SDCBP2: variants seen among roughly 807,000 people sequenced by gnomAD.
SDCBP2 encodes the protein syndecan binding protein 2, also known as syntenin-2.
In SDCBP2, 28 loss-of-function variants were observed where a neutral mutation model predicts 30.7. That is an observed-to-expected ratio of 0.91 (90% CI 0.68 to 1.25). The LOEUF is 1.25. SDCBP2 is among the 50% of genes most tolerant of loss of function. SDCBP2 has a pLI of 0.00. For synonymous variants in SDCBP2, 166 were observed against 157.3 expected (o/e 1.06, Z -0.41); for missense variants, 399 against 379.0 (o/e 1.05, Z -0.44).
At position 1,315,755 on chromosome 20, in the gene SDCBP2, A is replaced by G. The variant is rs1480385976; in HGVS notation, c.226-2257T>C. 2.0e-5 allele frequency among the ~76,000 whole-genome samples: 3 copies of G among 151,766 alleles called. No homozygotes were observed. In the East Asian group the frequency reaches 5.8e-4, roughly 29 times the overall value. ...CTTTACAAAGTATGAGCCACAAAAGAAAAAAAAATCAATAAACTGGACCTC... is the reference window on the plus strand; with the variant it reads ...CTTTACAAAGTATGAGCCACAAAAGGAAAAAAAATCAATAAACTGGACCTC... On this transcript the variant is annotated intron_variant, in intron 4 of 8. Transcript: ENST00000360779.
intron 4 of SDCBP2, among the ~76,000 whole-genome samples, chr20:1,316,249 T>C (rs909806992): frequency 6.6e-6 from 1 of 152,192 alleles, no homozygotes; most frequent in African/African-American, 2.4e-5. Context: ...ATTAAGACCA[T>C]GATGAGCCAT....
Position 1,320,679 on chromosome 20 carries a change from G to A in SDCBP2, c.-19-244C>T, listed in dbSNP as rs1036316064. 1 of 362,252 alleles carries A rather than the reference G, an allele frequency of 2.8e-6. No individual in the cohort carries two copies. The highest frequency in any genetic ancestry group is 5.0e-6 in the Non-Finnish European group (1 of 198,222). The allele number at this position is 362,252 out of a possible 1,614,324, so 22.4% of individuals were successfully genotyped here. On this transcript the variant is annotated intron_variant, in intron 1 of 8. Transcript: ENST00000360779. This position sits in a 1 kb window ranked among gnomAD's most constrained non-coding sequence, Gnocchi z 4.7. ...TCTTGGCCACAATGAAGTAAGACCA[G>A]TAGGAAATTTATAAAGACTCTCACA... is the stretch of plus-strand genomic sequence containing the variant.
At chr20:1,318,080 G>A (rs949499664) in intron 4 of SDCBP2, 23 of 559,658 alleles carry the variant, frequency 4.1e-5, no homozygotes, top group African/African-American at 4.1e-4. Context: ...AGGTCAAAGG[G>A]CAAGCCCTGG....
intron 2 of SDCBP2, 40 bp from the exon 3 acceptor site, chr20:1,319,699 A>T: frequency 6.8e-7 from 1 of 1,467,124 alleles, no homozygotes; most frequent in Non-Finnish European, 9.1e-7. Flanking sequence ...TGTGGCCAGG[A>T]CCCCAGGAAC....
At chr20:1,327,584 C>A (rs571751277) in intron 1 of SDCBP2, among the ~76,000 whole-genome samples, 4 of 152,380 alleles carry the variant, frequency 2.6e-5, no homozygotes, top group Admixed American at 1.3e-4. Flanking sequence ...CAAGCAGACA[C>A]GCCTGAACCC....
At position 1,328,730 on chromosome 20, in the gene SDCBP2, G is replaced by T. The variant is rs1356183961; in HGVS notation, c.-20+355C>A. 2.6e-5 allele frequency among the ~76,000 whole-genome samples: 4 copies of T among 152,320 alleles called. No homozygotes were observed. In the East Asian group the frequency reaches 7.7e-4, roughly 29 times the overall value. On this transcript the variant is annotated intron_variant, in intron 1 of 8. Transcript: ENST00000360779. The stretch of plus-strand genomic sequence containing the variant: ...GGCCTGAGCTGTGGATTCCTTGGGA[G>T]AAATGGGCTTTTTGCCTGCCTGCAG...
At chr20:1,325,459 C>T (rs34019978) in intron 1 of SDCBP2, 21,614 of 152,258 alleles carry the variant, frequency 0.14, 1,732 homozygotes, top group African/African-American at 0.21. Flanking sequence ...CTTGCGTTAC[C>T]AGAGTCCACC....
intron 1 of SDCBP2, among the ~76,000 whole-genome samples, chr20:1,327,076 G>C (rs751498646): frequency 6.6e-5 from 10 of 152,212 alleles, no homozygotes; most frequent in Non-Finnish European, 1.3e-4. Flanking sequence ...GCTCAGTTCT[G>C]TGCTGATGGC....
At position 1,310,374 on chromosome 20, in the gene SDCBP2, G is replaced by A. The variant is rs11449; in HGVS notation, c.*67C>T. On this transcript the variant is annotated 3_prime_UTR_variant, in exon 9 of 9. Coordinates refer to ENST00000360779, the MANE Select transcript of SDCBP2 (RefSeq NM_080489.5). Reference sequence around the variant, plus strand: ...GCAGGCCGGCTGCAACCCATCATCCGAGGGTGGTTGCCCTTTGCTGCAGGA... The same window carrying A: ...GCAGGCCGGCTGCAACCCATCATCCAAGGGTGGTTGCCCTTTGCTGCAGGA... The A allele has an allele frequency of 0.31, 471,332 of 1,518,960 alleles. 75,274 individuals are homozygous for A. The highest frequency in any genetic ancestry group is 0.46 in the East Asian group (20,424 of 44,332). The allele number at this position is 1,518,960 out of a possible 1,614,324, so 94.1% of individuals were successfully genotyped here. A position where few individuals can be genotyped will look rare whatever the true frequency, so the allele number is the denominator to read the frequency against.
intron 8 of SDCBP2, 89 bp downstream of exon 8, chr20:1,310,711 G>C: frequency 8.3e-7 from 1 of 1,208,984 alleles, no homozygotes; most frequent in East Asian, 2.3e-5. Context: ...GAAAGTGGAA[G>C]TGGCTGAGCC....
In SDCBP2 at chr20:1,324,517, C is replaced by T. The variant is rs2088892891; in HGVS notation, c.-19-4082G>A. 1 of 152,104 alleles carries T rather than the reference C, an allele frequency of 6.6e-6. No homozygotes were observed. The highest frequency in any genetic ancestry group is 1.5e-5 in the Non-Finnish European group (1 of 68,036). 9.4% of individuals were successfully genotyped at this position (152,104 alleles called of 1,614,324 possible). A position where few individuals can be genotyped will look rare whatever the true frequency, so the allele number is the denominator to read the frequency against. On this transcript the variant is annotated intron_variant, in intron 1 of 8. Transcript: ENST00000360779. This position sits in a 1 kb window ranked among gnomAD's most constrained non-coding sequence, Gnocchi z 4.7. ...AGTCACCATAACAAATGGTCCTGTC[C>T]CGCACAACTTTCAGATATCCTGCCA...
At position 1,321,744 on chromosome 20, in the gene SDCBP2, GC is replaced by G. The variant is rs939331436; in HGVS notation, c.-19-1310del. 5.9e-5 allele frequency: 9 copies of G among 152,250 alleles called. No individual in the cohort carries two copies. Among genetic ancestry groups the G allele is most frequent in the African/African-American group, 2.2e-4 (9 of 41,450 alleles). The allele number at this position is 152,250 out of a possible 1,614,324, so 9.4% of individuals were successfully genotyped here. ...TTCCACCAGAGATTGGAACTGGTGGGCCCAGGGCCAGATGGAAATAGATTTT... is the reference window on the plus strand; with the variant it reads ...TTCCACCAGAGATTGGAACTGGTGGGCCAGGGCCAGATGGAAATAGATTTT... On this transcript the variant is annotated intron_variant, in intron 1 of 8. Coordinates refer to ENST00000360779, the MANE Select transcript of SDCBP2 (RefSeq NM_080489.5). The surrounding 1 kb of genome is among the most constrained non-coding windows in gnomAD (Gnocchi z 5.2).
At chr20:1,312,977 G>C in intron 5 of SDCBP2, 2 of 607,526 alleles carry the variant, frequency 3.3e-6, no homozygotes, top group Admixed American at 3.0e-5. Context: ...TTCAACCCTG[G>C]CCTGGGGCTG....
At chr20:1,312,074 GT>G (rs11318673) in intron 7 of SDCBP2, among the ~76,000 whole-genome samples, 150,419 of 151,668 alleles carry the variant, frequency 0.99, 74,603 homozygotes, top group Middle Eastern at 1. Context: ...TAATTTTTTA[GT>G]TTTTTTTGTG....
Position 1,319,370 on chromosome 20 carries a change from G to A in SDCBP2, c.124+220C>T, listed in dbSNP as rs938225942. 30 of 558,122 alleles carry A rather than the reference G, an allele frequency of 5.4e-5. No homozygotes were observed. In the African/African-American group the frequency reaches 5.4e-4, roughly 10 times the overall value. 34.6% of individuals were successfully genotyped at this position (558,122 alleles called of 1,614,324 possible). On this transcript the variant is annotated intron_variant, in intron 3 of 8. Coordinates refer to ENST00000360779, the MANE Select transcript of SDCBP2 (RefSeq NM_080489.5). ...GTTCACCAGGCAGTCAAGGAGGGAGGGGAACAGCATGGGCACAGGCTCTGG... is the reference window on the plus strand; with the variant it reads ...GTTCACCAGGCAGTCAAGGAGGGAGAGGAACAGCATGGGCACAGGCTCTGG...
chr20:1,325,391 G>C (rs564403315), intron 1 of SDCBP2: 2 of 152,340 alleles, frequency 1.3e-5, no homozygotes, highest in South Asian at 4.1e-4. Context: ...GGCGCGGTTA[G>C]GGGTGACTCC....
rs892770410 is a variant in SDCBP2, at chr20:1,313,399, T to A, written c.325A>T (p.Ile109Phe). 6.2e-7 allele frequency: 1 copy of A among 1,609,886 alleles called. No homozygotes were observed. The highest frequency in any genetic ancestry group is 8.5e-7 in the Non-Finnish European group (1 of 1,179,048). ...RAEIKPGVRE[I>F]HLCKDERGKT... ...CCGCGCTCGTCCTTGCACAGGTGGA[T>A]CTCGCGCACCCCGGGCTTGATCTCA... Residue 109 changes from isoleucine to phenylalanine, a missense_variant, in exon 5 of 9, where the codon ATC (isoleucine) becomes TTC (phenylalanine). Physicochemically the swap from Ile to Phe is conservative, Grantham distance 21. Coordinates refer to ENST00000360779, the MANE Select transcript of SDCBP2 (RefSeq NM_080489.5). This position sits in a 1 kb window ranked among gnomAD's most constrained non-coding sequence, Gnocchi z 5.2.
intron 4 of SDCBP2, chr20:1,317,894 G>A (rs1045496696): frequency 2.1e-5 from 7 of 338,834 alleles, no homozygotes; most frequent in Non-Finnish European, 4.1e-5. Context: ...GGTGTCTTTT[G>A]CTCCCCGAAG....
At chr20:1,326,467 G>A (rs959606561) in intron 1 of SDCBP2, among the ~76,000 whole-genome samples, 1 of 152,198 alleles carries the variant, frequency 6.6e-6, no homozygotes, top group Non-Finnish European at 1.5e-5. Context: ...TTTAGGTTGA[G>A]TCCTAAAAGT....
Sources: gnomAD v4.1 joint callset for allele counts (sites outside exome capture counted in the v4.1 genomes callset) on GRCh38, gnomAD v4.1.1 for gene constraint, Gnocchi (gnomAD v3.1) non-coding constraint, MANE v1.5 for transcripts, NCBI Gene and HGNC (gene_info 2026-07-23, HGNC 2026-07-21) for gene names.